The following CABCOCO1 variants were observed in gnomAD, a reference collection of about 807,000 sequenced individuals.
CABCOCO1 encodes ciliary associated calcium binding coiled-coil 1.
In CABCOCO1, 28 loss-of-function variants were observed where a neutral mutation model predicts 35.7. The observed-to-expected ratio is 0.78, with a 90% CI of 0.58 to 1.07. CABCOCO1 has a LOEUF of 1.07. Ranked by LOEUF, CABCOCO1 falls within the 50% of genes least tolerant of loss-of-function variation. CABCOCO1 has a pLI of 0.00. For synonymous variants in CABCOCO1, 95 were observed against 100.1 expected (o/e 0.95, Z 0.30); for missense variants, 326 against 309.2 (o/e 1.05, Z -0.41).
chr10:61,692,270 T>G lies in CABCOCO1; in HGVS notation c.552+1649T>G, dbSNP rs532880516. ...TGATGATGGGCTTCTTTTCATATGT[T>G]CGTTGGCCACATAAATGTCTTCTTT... On this transcript the variant is annotated intron_variant, in intron 5 of 7. Coordinates refer to ENST00000648843, the MANE Select transcript of CABCOCO1 (RefSeq NM_001366906.2). 2.0e-5 allele frequency among the ~76,000 whole-genome samples: 3 copies of G among 152,312 alleles called. No homozygotes were observed. The South Asian group carries it at 6.2e-4, about 32-fold the overall frequency.
intron 2 of CABCOCO1, among the ~76,000 whole-genome samples, chr10:61,679,360 C>T (rs976302338): frequency 1.3e-5 from 2 of 150,224 alleles, no homozygotes; most frequent in South Asian, 4.2e-4. Context: ...TCTGCTTAAT[C>T]TCCCAGGAGG....
chr10:61,760,994 C>T lies in CABCOCO1; in HGVS notation c.807C>T (p.Ile269=), dbSNP rs34291679. The change falls in exon 7 of 8, where the codon ATC becomes ATT. Residue 269 remains isoleucine (I), a synonymous_variant. Transcript: ENST00000648843. ...ATCAAGTCACAGATGACATTTTAAT[C>T]GGCATTCAGGTACTCAGTATTGATA... The part of the protein sequence containing the change: ...VLDQVTDDIL[I]GIQTEINEKL... 3.9e-3 allele frequency: 6,302 copies of T among 1,611,798 alleles called. 21 individuals are homozygous for T. The highest frequency in any genetic ancestry group is 4.9e-3 in the Non-Finnish European group (5,811 of 1,178,816).
At chr10:61,678,647 A>C (rs545446368) in intron 2 of CABCOCO1, among the ~76,000 whole-genome samples, 28 of 152,302 alleles carry the variant, frequency 1.8e-4, no homozygotes, top group Non-Finnish European at 3.8e-4. Flanking sequence ...GCTTAATCTT[A>C]GAACCCATTT....
chr10:61,759,667 C>T (rs1202574571), intron 5 of CABCOCO1, among the ~76,000 whole-genome samples: 3 of 151,962 alleles, frequency 2.0e-5, no homozygotes, highest in Admixed American at 2.0e-4. Context: ...ATCAGGATGA[C>T]ATTAAGTGTA....
chr10:61,708,616 T>C (rs1464642354), intron 5 of CABCOCO1, among the ~76,000 whole-genome samples: 8 of 152,056 alleles, frequency 5.3e-5, no homozygotes, highest in Admixed American at 5.2e-4. Flanking sequence ...ACAAACTCCC[T>C]TTGGCTTCTT....
rs1367590107 is a variant in CABCOCO1 at position 61,717,224 on chromosome 10, A to G, written c.552+26603A>G. Among the ~76,000 whole-genome samples, 6 of 152,254 alleles carry G rather than the reference A, an allele frequency of 3.9e-5. No homozygotes were observed. In the East Asian group the frequency reaches 1.2e-3, roughly 29 times the overall value. Reference sequence around the variant, plus strand: ...TGAAATTCTGACATAAGTTGGCTACATGGTGAGGGAAGCCAGCTTCTAAGA... The same window carrying G: ...TGAAATTCTGACATAAGTTGGCTACGTGGTGAGGGAAGCCAGCTTCTAAGA... On this transcript the variant is annotated intron_variant, in intron 5 of 7. Transcript: ENST00000648843.
chr10:61,760,866 T>A lies in CABCOCO1; in HGVS notation c.679T>A (p.Leu227Met). 6.2e-7 allele frequency: 1 copy of A among 1,611,184 alleles called. No homozygotes were observed. Among genetic ancestry groups the A allele is most frequent in the Non-Finnish European group, 8.5e-7 (1 of 1,178,570 alleles). ...PTILDTEMKRLDQEQGPEESQ... is the reference protein window; with the variant it reads ...PTILDTEMKRMDQEQGPEESQ... ...CTATTTACTTTCAATATTCTAGAGGTTGGATCAAGAACAAGGCCCTGAGGA... is the reference window on the plus strand; with the variant it reads ...CTATTTACTTTCAATATTCTAGAGGATGGATCAAGAACAAGGCCCTGAGGA... Residue 227 changes from leucine to methionine, a missense_variant, in exon 7 of 8, where the codon TTG becomes ATG. Transcript: ENST00000648843.
Position 61,766,341 on chromosome 10 carries a change from G to A in CABCOCO1, c.*328G>A, listed in dbSNP as rs971983816. On this transcript the variant is annotated 3_prime_UTR_variant, in exon 8 of 8. Coordinates refer to ENST00000648843, the MANE Select transcript of CABCOCO1 (RefSeq NM_001366906.2). Reference sequence around the variant, plus strand: ...AATCCTATTCATCTTCAAGGAGAATGAAGTCAACTTTTTAAATAACCAGAA... The same window carrying A: ...AATCCTATTCATCTTCAAGGAGAATAAAGTCAACTTTTTAAATAACCAGAA... 6.6e-5 allele frequency: 11 copies of A among 167,184 alleles called. No individual in the cohort carries two copies. Among genetic ancestry groups the A allele is most frequent in the Admixed American group, 4.2e-4 (7 of 16,560 alleles). 10.4% of individuals were successfully genotyped at this position (167,184 alleles called of 1,614,324 possible). A position where few individuals can be genotyped will look rare whatever the true frequency, so the allele number is the denominator to read the frequency against.
chr10:61,718,658 C>T (rs1840925094), intron 5 of CABCOCO1, among the ~76,000 whole-genome samples: 1 of 152,132 alleles, frequency 6.6e-6, no homozygotes, highest in South Asian at 2.1e-4. Flanking sequence ...TCATTTTGGT[C>T]TTTGTCCTTG....
At chr10:61,689,266 C>T (rs191454575) in intron 4 of CABCOCO1, among the ~76,000 whole-genome samples, 4 of 152,212 alleles carry the variant, frequency 2.6e-5, no homozygotes, top group East Asian at 1.9e-4. Context: ...AGGTAACCAG[C>T]GTAAGTTAGG....
intron 5 of CABCOCO1, among the ~76,000 whole-genome samples, chr10:61,692,353 C>T (rs1295368025): frequency 1.3e-5 from 2 of 151,868 alleles, no homozygotes; most frequent in East Asian, 3.9e-4. Flanking sequence ...TTGTTTTTTT[C>T]TTGTAAATTT....
At chr10:61,691,063 A>C (rs2131995392) in intron 5 of CABCOCO1, among the ~76,000 whole-genome samples, 1 of 152,250 alleles carries the variant, frequency 6.6e-6, no homozygotes, top group South Asian at 2.1e-4. Context: ...AGTGGATCAA[A>C]CCTACCTTAA....
At chr10:61,735,502 G>A (rs1381707308) in intron 5 of CABCOCO1, among the ~76,000 whole-genome samples, 1 of 152,144 alleles carries the variant, frequency 6.6e-6, no homozygotes, top group East Asian at 1.9e-4. Context: ...CCCCTCTGGA[G>A]CTTCTGTTGT....
chr10:61,692,582 G>C (rs1376345212), intron 5 of CABCOCO1, among the ~76,000 whole-genome samples: 1 of 152,074 alleles, frequency 6.6e-6, no homozygotes, highest in Non-Finnish European at 1.5e-5. Context: ...CATGGAACAT[G>C]CCAGCTATTC....
intron 4 of CABCOCO1, 100 bp from the exon 5 acceptor site, chr10:61,690,449 G>A: frequency 1.4e-6 from 1 of 717,032 alleles, no homozygotes; most frequent in Non-Finnish European, 2.3e-6. Flanking sequence ...GATAGCATTA[G>A]TTTGGTCAAT....
At chr10:61,751,817 C>G (rs1841794968) in intron 5 of CABCOCO1, among the ~76,000 whole-genome samples, 1 of 152,154 alleles carries the variant, frequency 6.6e-6, no homozygotes, top group Non-Finnish European at 1.5e-5. Context: ...CAGACCTACT[C>G]TCAACTGAGC....
At chr10:61,725,372 A>G (rs577942379) in intron 5 of CABCOCO1, among the ~76,000 whole-genome samples, 30 of 152,326 alleles carry the variant, frequency 2.0e-4, no homozygotes, top group African/African-American at 3.8e-4. Context: ...ATGTCCATCA[A>G]TGATAGACTG....
chr10:61,759,450 C>T lies in CABCOCO1; in HGVS notation c.553-609C>T, dbSNP rs1462646974. Among the ~76,000 whole-genome samples, 4 of 152,108 alleles carry T rather than the reference C, an allele frequency of 2.6e-5. No homozygotes were observed. The East Asian group carries it at 7.7e-4, about 29-fold the overall frequency. On this transcript the variant is annotated intron_variant, in intron 5 of 7. Transcript: ENST00000648843. ...TCCTTCATTTCCAGTGTTAACCAACCGTCAGCCTCCTTCTGAGTGGCACGC... is the reference window on the plus strand; with the variant it reads ...TCCTTCATTTCCAGTGTTAACCAACTGTCAGCCTCCTTCTGAGTGGCACGC...
intron 5 of CABCOCO1, among the ~76,000 whole-genome samples, chr10:61,704,274 T>G (rs1177794376): frequency 6.6e-6 from 1 of 152,156 alleles, no homozygotes; most frequent in Non-Finnish European, 1.5e-5. Context: ...AGAACTTAAT[T>G]TCTTTCCCCT....
Sources: allele counts gnomAD v4.1 joint callset (sites outside exome capture counted in the v4.1 genomes callset), GRCh38; gene constraint gnomAD v4.1.1; transcripts MANE v1.5; gene names NCBI Gene and HGNC (gene_info 2026-07-23, HGNC 2026-07-21).